RBM47: variants seen among roughly 807,000 people sequenced by gnomAD.
RBM47 encodes the protein RNA binding motif protein 47, also known as RNA-binding protein 47.
Under a neutral mutation model 47.1 loss-of-function variants are expected in RBM47, and 21 were observed. That is an observed-to-expected ratio of 0.45 (90% CI 0.32 to 0.64). RBM47 has a LOEUF of 0.64. RBM47 is among the 30% of genes least tolerant of loss of function. The pLI, the probability that RBM47 is intolerant of heterozygous loss-of-function variation, is 0.05. For missense variants in RBM47, 708 were observed against 870.9 expected, an observed-to-expected ratio of 0.81 and a Z score of 2.35; for synonymous variants, 375 against 361.7, an observed-to-expected ratio of 1.04 and a Z score of -0.42.
At chr4:40,567,210 C>G (rs1271858445) in intron 1 of RBM47, among the ~76,000 whole-genome samples, 5 of 151,876 alleles carry the variant, frequency 3.3e-5, no homozygotes, top group Non-Finnish European at 7.4e-5. Flanking sequence ...AGACATTGAA[C>G]TCGGGCAGTG....
Position 40,425,852 on chromosome 4 carries a change from A to G in RBM47, c.*52T>C. 6.3e-7 allele frequency: 1 copy of G among 1,583,054 alleles called. No homozygotes were observed. Among genetic ancestry groups the G allele is most frequent in the East Asian group, 2.3e-5 (1 of 44,298 alleles). The stretch of plus-strand genomic sequence containing the variant: ...CATGTTCCTTCTTCATAAATAGTCA[A>G]GCGTTCCTTCAGTGGTGTTTGTGTG... On this transcript the variant is annotated 3_prime_UTR_variant, in exon 7 of 7. Coordinates refer to ENST00000295971, the MANE Select transcript of RBM47 (RefSeq NM_001098634.2).
chr4:40,575,872 C>G (rs762355336), intron 1 of RBM47, among the ~76,000 whole-genome samples: 4 of 152,218 alleles, frequency 2.6e-5, no homozygotes, highest in Admixed American at 6.5e-5. Flanking sequence ...CACACATTAC[C>G]AAGCTCCTGA....
chr4:40,555,513 C>T (rs1400054932), intron 1 of RBM47, among the ~76,000 whole-genome samples: 2 of 152,184 alleles, frequency 1.3e-5, no homozygotes, highest in Admixed American at 6.6e-5. Context: ...ACACAGGGTA[C>T]GTGCAACATA....
At chr4:40,452,643 G>A (rs181891210) in intron 3 of RBM47, among the ~76,000 whole-genome samples, 8 of 151,892 alleles carry the variant, frequency 5.3e-5, no homozygotes, top group African/African-American at 1.2e-4. Context: ...CAAATCTACC[G>A]TCTATTATAA....
chr4:40,471,817 C>T (rs920913651), intron 2 of RBM47, among the ~76,000 whole-genome samples: 1 of 152,168 alleles, frequency 6.6e-6, no homozygotes, highest in African/African-American at 2.4e-5. Context: ...AGAGGCTCCA[C>T]GTCCTCCTCC....
At chr4:40,466,942 A>G (rs1180420601) in intron 2 of RBM47, among the ~76,000 whole-genome samples, 2 of 152,190 alleles carry the variant, frequency 1.3e-5, no homozygotes, top group African/African-American at 4.8e-5. Context: ...TAATAATAAG[A>G]AAATGACTAA....
At chr4:40,456,071 T>C (rs1468891904) in intron 3 of RBM47, among the ~76,000 whole-genome samples, 1 of 152,240 alleles carries the variant, frequency 6.6e-6, no homozygotes, top group Non-Finnish European at 1.5e-5. Context: ...TGTGTAGTTA[T>C]AATGGCTACT....
rs1208740213 is a variant in RBM47, at chr4:40,431,635, G to A, written c.1542+1016C>T. ...ATGGCGCCACTGCGCTCCAGCCTGG[G>A]CGACAGAGCGAGACTCCGTCTAAAA... On this transcript the variant is annotated intron_variant, in intron 6 of 6. Transcript: ENST00000295971. 2.7e-5 allele frequency among the ~76,000 whole-genome samples: 4 copies of A among 146,446 alleles called. No homozygotes were observed. In the South Asian group the frequency reaches 9.1e-4, roughly 33 times the overall value.
At chr4:40,565,481 G>A (rs1334795351) in intron 1 of RBM47, among the ~76,000 whole-genome samples, 3 of 152,176 alleles carry the variant, frequency 2.0e-5, no homozygotes, top group Non-Finnish European at 1.5e-5. Context: ...GAGGCTTCAA[G>A]CAGCAGCTCT....
intron 2 of RBM47, among the ~76,000 whole-genome samples, chr4:40,509,033 T>C (rs1283482398): frequency 6.6e-6 from 1 of 151,970 alleles, no homozygotes; most frequent in African/African-American, 2.4e-5. Context: ...TGGTGGCGCG[T>C]GCCTGTAGCC....
intron 3 of RBM47, among the ~76,000 whole-genome samples, chr4:40,441,863 C>T (rs1316042585): frequency 6.6e-6 from 1 of 152,190 alleles, no homozygotes; most frequent in Non-Finnish European, 1.5e-5. Context: ...ATAGCGATAG[C>T]TTATTTCTTA....
chr4:40,568,118 C>CA (rs111567208), intron 1 of RBM47, among the ~76,000 whole-genome samples: 24 of 149,788 alleles, frequency 1.6e-4, no homozygotes, highest in East Asian at 1.9e-4. Flanking sequence ...GTCTCAAAAA[C>CA]AAAAAAAAAG....
intron 5 of RBM47, among the ~76,000 whole-genome samples, chr4:40,436,207 A>C (rs918247594): frequency 3.2e-5 from 4 of 126,856 alleles, no homozygotes; most frequent in Admixed American, 7.5e-5. Flanking sequence ...AACAAACAAA[A>C]AAAAACCTTA....
intron 2 of RBM47, among the ~76,000 whole-genome samples, chr4:40,487,947 C>A (rs964988872): frequency 3.3e-5 from 5 of 150,864 alleles, no homozygotes; most frequent in African/African-American, 1.2e-4. Context: ...GGGAAAAAAA[C>A]GGAACGCACA....
intron 1 of RBM47, among the ~76,000 whole-genome samples, chr4:40,556,236 A>G (rs562952728): frequency 9.3e-4 from 141 of 151,806 alleles, no homozygotes; most frequent in African/African-American, 3.1e-3. Context: ...GGGTTTCACC[A>G]TGTTGGCCAG....
upstream of RBM47, chr4:40,630,469 C>T (rs998597652): frequency 6.6e-6 from 1 of 152,232 alleles, no homozygotes; most frequent in East Asian, 1.9e-4. Flanking sequence ...TTACCTGGGG[C>T]CGAGCATGGC....
chr4:40,608,865 T>C (rs1735992359), intron 1 of RBM47, among the ~76,000 whole-genome samples: 1 of 152,206 alleles, frequency 6.6e-6, no homozygotes, highest in Admixed American at 6.5e-5. Flanking sequence ...AGTTAAATCT[T>C]ATATGTACAT....
intron 6 of RBM47, among the ~76,000 whole-genome samples, chr4:40,431,515 G>A (rs188540894): frequency 0.015 from 2,264 of 152,118 alleles, 20 homozygotes; most frequent in Non-Finnish European, 0.023. Context: ...AAAATTAGCC[G>A]GGCATGGTGG....
chr4:40,533,534 A>G lies in RBM47; in HGVS notation c.-155+10888T>C, dbSNP rs543791665. Among the ~76,000 whole-genome samples, 299 of 152,216 alleles carry G rather than the reference A, an allele frequency of 2.0e-3. 1 individual carries two copies. Among genetic ancestry groups the G allele is most frequent in the Non-Finnish European group, 3.5e-3 (240 of 68,002 alleles). On this transcript the variant is annotated intron_variant, in intron 2 of 6. Coordinates refer to ENST00000295971, the MANE Select transcript of RBM47 (RefSeq NM_001098634.2). Reference sequence around the variant, plus strand: ...AGGCCAATAAGCAAAAGTTTACACCAGAGGTTATCTATACATTTTTAAAAA... The same window carrying G: ...AGGCCAATAAGCAAAAGTTTACACCGGAGGTTATCTATACATTTTTAAAAA...
Sources: gnomAD v4.1 joint callset for allele counts (sites outside exome capture counted in the v4.1 genomes callset) on GRCh38, gnomAD v4.1.1 for gene constraint, MANE v1.5 for transcripts, NCBI Gene and HGNC (gene_info 2026-07-23, HGNC 2026-07-21) for gene names.